The following RASSF8 variants were observed in gnomAD, a reference collection of about 807,000 sequenced individuals.
The protein encoded by RASSF8 is Ras association domain family member 8.
RASSF8 carries 22 observed loss-of-function variants against 48.5 expected under a neutral mutation model. The observed-to-expected ratio is 0.45, with a 90% CI of 0.32 to 0.65. RASSF8 has a LOEUF of 0.65. RASSF8 is among the 30% of genes least tolerant of loss of function. The probability of loss-of-function intolerance (pLI) is 0.03; values close to 1 mark genes in which losing one functional copy is unlikely to be tolerated. For missense variants in RASSF8, 418 were observed against 489.2 expected, an observed-to-expected ratio of 0.85 and a Z score of 1.37; for synonymous variants, 127 against 171.5, an observed-to-expected ratio of 0.74 and a Z score of 2.03.
chr12:26,032,009 A>G (rs1943040255), intron 2 of RASSF8, among the ~76,000 whole-genome samples: 2 of 152,316 alleles, frequency 1.3e-5, no homozygotes, highest in Middle Eastern at 3.4e-3. Flanking sequence ...CTTACAGTAC[A>G]TGAAGGAAAC....
chr12:26,029,782 GA>G (rs907093390), intron 2 of RASSF8, among the ~76,000 whole-genome samples: 17 of 150,886 alleles, frequency 1.1e-4, no homozygotes, highest in East Asian at 3.9e-4. Flanking sequence ...CTGGTTAAAG[GA>G]AAAAAAAATC....
intron 2 of RASSF8, among the ~76,000 whole-genome samples, chr12:26,000,982 C>CTTTTTTTTTTTT (rs34793650): frequency 1.2e-5 from 1 of 81,054 alleles, no homozygotes; most frequent in African/African-American, 5.1e-5. Context: ...TTAAAATTTC[C>CTTTTTTTTTTTT]TTTTTTTTTT....
intron 2 of RASSF8, among the ~76,000 whole-genome samples, chr12:26,042,699 G>A (rs1348260443): frequency 6.6e-6 from 1 of 151,800 alleles, no homozygotes; most frequent in Non-Finnish European, 1.5e-5. Flanking sequence ...AGCATTTGCT[G>A]TCCCTGAGCA....
chr12:26,058,477 C>G (rs1943659748), intron 3 of RASSF8, among the ~76,000 whole-genome samples: 1 of 152,168 alleles, frequency 6.6e-6, no homozygotes. Context: ...AGACTGGTTT[C>G]TTAGGTTTAA....
intron 2 of RASSF8, among the ~76,000 whole-genome samples, chr12:26,002,339 A>C (rs564985644): frequency 1.3e-5 from 2 of 152,196 alleles, no homozygotes; most frequent in Non-Finnish European, 2.9e-5. Flanking sequence ...AGGCTGAGGC[A>C]GGAGAATCGC....
chr12:26,020,437 C>T (rs2137060385), intron 2 of RASSF8: 1 of 152,248 alleles, frequency 6.6e-6, no homozygotes, highest in East Asian at 1.9e-4. Context: ...GAAACTACTG[C>T]ACTTTGTACT....
intron 2 of RASSF8, among the ~76,000 whole-genome samples, chr12:26,043,552 G>A (rs747642656): frequency 4.6e-5 from 7 of 152,240 alleles, no homozygotes; most frequent in African/African-American, 7.2e-5. Flanking sequence ...TGCAAGGAGG[G>A]AGACAGGATG....
chr12:26,031,510 A>G lies in RASSF8; in HGVS notation c.-108-23726A>G, dbSNP rs145619932. 8.4e-3 allele frequency among the ~76,000 whole-genome samples: 1,275 copies of G among 152,332 alleles called. 10 individuals carry two copies. Among genetic ancestry groups the G allele is most frequent in the Middle Eastern group, 0.017 (5 of 294 alleles). ...GAGTTACTAACAGGATTTGAGCCCA[A>G]CTGAGGGCAGGGTCAGATTTGGTGG... On this transcript the variant is annotated intron_variant, in intron 2 of 5. Transcript: ENST00000689635.
At chr12:26,045,993 A>G (rs1416246201) in intron 2 of RASSF8, among the ~76,000 whole-genome samples, 2 of 152,178 alleles carry the variant, frequency 1.3e-5, no homozygotes, top group African/African-American at 4.8e-5. Context: ...TGGCAGACAG[A>G]TTTTAATGGA....
At chr12:25,984,620 C>T (rs1941829363) in intron 1 of RASSF8, among the ~76,000 whole-genome samples, 1 of 152,168 alleles carries the variant, frequency 6.6e-6, no homozygotes, top group African/African-American at 2.4e-5. Context: ...GGACTACAGG[C>T]GTGAGCCACT....
downstream of RASSF8, among the ~76,000 whole-genome samples, chr12:26,075,541 GTTC>G (rs1944064434): frequency 6.6e-6 from 1 of 152,122 alleles, no homozygotes; most frequent in South Asian, 2.1e-4. Flanking sequence ...TTGACTGCAT[GTTC>G]TATATCCACC....
intron 2 of RASSF8, among the ~76,000 whole-genome samples, chr12:26,045,053 A>G (rs1206196009): frequency 2.0e-5 from 3 of 152,202 alleles, no homozygotes; most frequent in Non-Finnish European, 2.9e-5. Context: ...TAATTATTTA[A>G]TTGGCTTAGA....
intron 3 of RASSF8, among the ~76,000 whole-genome samples, chr12:26,063,813 C>T (rs996049957): frequency 2.0e-5 from 3 of 151,630 alleles, no homozygotes; most frequent in African/African-American, 4.8e-5. Context: ...TCAGGCCCCT[C>T]TTTTTATATG....
intron 2 of RASSF8, among the ~76,000 whole-genome samples, chr12:26,050,496 T>G (rs1277496591): frequency 6.6e-6 from 1 of 152,184 alleles, no homozygotes; most frequent in Non-Finnish European, 1.5e-5. Context: ...AAAATATGCG[T>G]CTTGACTCAA....
chr12:26,031,373 C>T (rs1267845268), intron 2 of RASSF8, among the ~76,000 whole-genome samples: 1 of 152,066 alleles, frequency 6.6e-6, no homozygotes, highest in African/African-American at 2.4e-5. Flanking sequence ...TATATTTTGG[C>T]TCATCGTTAC....
chr12:25,963,321 CA>C (rs61607517), intron 1 of RASSF8, among the ~76,000 whole-genome samples: 33,669 of 95,800 alleles, frequency 0.35, 3,882 homozygotes, highest in Non-Finnish European at 0.39. Flanking sequence ...TTGTTTTAGC[CA>C]AAAAAAAAAA....
chr12:26,047,537 CATGGGACCTTGATCCTGTGT>C (rs1943397783), intron 2 of RASSF8, among the ~76,000 whole-genome samples: 1 of 152,238 alleles, frequency 6.6e-6, no homozygotes, highest in East Asian at 1.9e-4. Flanking sequence ...GTCACCTGTG[CATGGGACCTTGATCCTGTGT>C]ATAACCTGGC....
intron 2 of RASSF8, among the ~76,000 whole-genome samples, chr12:26,049,865 G>A (rs1943453028): frequency 6.6e-6 from 1 of 152,168 alleles, no homozygotes; most frequent in Non-Finnish European, 1.5e-5. Context: ...CTCACTGCAA[G>A]CTCCGCCTCC....
chr12:26,013,444 T>C (rs970786274), intron 2 of RASSF8, among the ~76,000 whole-genome samples: 3 of 152,204 alleles, frequency 2.0e-5, no homozygotes, highest in Non-Finnish European at 4.4e-5. Context: ...TGCTGTGAAC[T>C]CAAGTCCGCT....
Sources: gnomAD v4.1 joint callset for allele counts (sites outside exome capture counted in the v4.1 genomes callset) on GRCh38, gnomAD v4.1.1 for gene constraint, MANE v1.5 for transcripts, NCBI Gene and HGNC (gene_info 2026-07-23, HGNC 2026-07-21) for gene names.